Variants in ZNF541 observed in about 807,000 individuals in gnomAD.
ZNF541 encodes zinc finger protein 541.
Under a neutral mutation model 123.5 loss-of-function variants are expected in ZNF541, and 23 were observed. The ratio of observed to expected loss-of-function variants is 0.19; its 90% CI spans 0.13 to 0.26. The LOEUF is 0.26. Ranked by LOEUF, ZNF541 falls within the 10% of genes least tolerant of loss-of-function variation. The probability of loss-of-function intolerance (pLI) is 1.00; values close to 1 mark genes in which losing one functional copy is unlikely to be tolerated. For synonymous variants in ZNF541, 751 were observed against 754.5 expected (o/e 1.00, Z 0.08); for missense variants, 1,612 against 1,789.9 (o/e 0.90, Z 1.79).
At chr19:47,528,083 G>A (rs1383016179) in intron 14 of ZNF541, among the ~76,000 whole-genome samples, 1 of 141,792 alleles carries the variant, frequency 7.1e-6, no homozygotes, top group Non-Finnish European at 1.5e-5. Flanking sequence ...GGGAGGCTGA[G>A]GCAGGTGGAT....
At position 47,539,869 on chromosome 19, in the gene ZNF541, T is replaced by G. The variant is rs535113976; in HGVS notation, c.2632A>C (p.Thr878Pro). ...TGTCTTAGCGGCTTGCAAAACTCTG[T>G]GCCAAACACCTAAACACAGAAGAGA... ...RGKQEPQVFG[T>P]EFCKPLRQVL... Residue 878 changes from threonine to proline, a missense_variant, in exon 8 of 17, where the codon ACA becomes CCA. Physicochemically the swap from Thr to Pro is conservative, Grantham distance 38. Coordinates refer to ENST00000391901, the MANE Select transcript of ZNF541 (RefSeq NM_001277075.3). The G allele has an allele frequency of 5.4e-5, 83 of 1,524,528 alleles. 1 individual carries two copies. In the African/African-American group the frequency reaches 1.1e-3, roughly 20 times the overall value. The allele number at this position is 1,524,528 out of a possible 1,614,324, so 94.4% of individuals were successfully genotyped here. A position where few individuals can be genotyped will look rare whatever the true frequency, so the allele number is the denominator to read the frequency against.
At chr19:47,531,394 G>A (rs1015284013) in intron 12 of ZNF541, among the ~76,000 whole-genome samples, 6 of 152,036 alleles carry the variant, frequency 3.9e-5, no homozygotes, top group Non-Finnish European at 7.4e-5. Context: ...AGTGCCCCCT[G>A]AGATCTCAGA....
Sources: allele counts gnomAD v4.1 joint callset (sites outside exome capture counted in the v4.1 genomes callset), GRCh38; gene constraint gnomAD v4.1.1; transcripts MANE v1.5; gene names NCBI Gene and HGNC (gene_info 2026-07-23, HGNC 2026-07-21).